EMSY: variants seen among roughly 807,000 people sequenced by gnomAD.
EMSY encodes the protein BRCA2-interacting transcriptional repressor EMSY.
EMSY carries 26 observed loss-of-function variants against 134.6 expected under a neutral mutation model. That is an observed-to-expected ratio of 0.19 (90% confidence interval 0.14 to 0.27). The LOEUF (loss-of-function observed/expected upper bound fraction) is 0.27. Among genes scored for constraint, EMSY ranks in the 10% least tolerant of loss-of-function variants. EMSY has a pLI of 1.00. For missense variants in EMSY, 1,305 were observed against 1,611.4 expected (o/e 0.81, Z 3.26); for synonymous variants, 579 against 577.8 (o/e 1.00, Z -0.03).
intron 8 of EMSY, among the ~76,000 whole-genome samples, chr11:76,495,217 A>G (rs916587988): frequency 6.6e-6 from 1 of 152,190 alleles, no homozygotes; most frequent in Admixed American, 6.5e-5. Flanking sequence ...TAAGAACGTG[A>G]TATTATTTAA....
chr11:76,549,097 C>T (rs1397280316), intron 20 of EMSY, among the ~76,000 whole-genome samples: 8 of 152,110 alleles, frequency 5.3e-5, no homozygotes, highest in Non-Finnish European at 1.2e-4. Flanking sequence ...TGGGATGAAC[C>T]CACTACTTTT....
intron 14 of EMSY, among the ~76,000 whole-genome samples, chr11:76,534,096 G>A (rs544151880): frequency 2.4e-4 from 37 of 152,210 alleles, no homozygotes; most frequent in Admixed American, 2.6e-4. Context: ...GTCTTTGGTA[G>A]ATGCTCTCCT....
At chr11:76,463,770 A>T in intron 6 of EMSY, 51 bp from the exon 8 acceptor site, 2 of 1,579,158 alleles carry the variant, frequency 1.3e-6, no homozygotes, top group Non-Finnish European at 1.7e-6. Flanking sequence ...TAAAGTGTAT[A>T]ATGCAAGATT....
intron 8 of EMSY, among the ~76,000 whole-genome samples, chr11:76,490,379 CT>C (rs1949371113): frequency 6.6e-6 from 1 of 152,134 alleles, no homozygotes; most frequent in African/African-American, 2.4e-5. Context: ...CCCCCGACCC[CT>C]GTTATGAAAA....
chr11:76,473,732 G>A (rs1161710203), intron 8 of EMSY, among the ~76,000 whole-genome samples: 2 of 152,028 alleles, frequency 1.3e-5, no homozygotes, highest in Non-Finnish European at 2.9e-5. Context: ...GCTCACGCCT[G>A]TAATCCCAGC....
At chr11:76,446,852 TGTACTTTG>T (rs1014843151) in intron 1 of EMSY, 40 bp from the exon 2 acceptor site, 41 of 1,293,368 alleles carry the variant, frequency 3.2e-5, no homozygotes, top group South Asian at 1.0e-4. Flanking sequence ...GCCCCTTGAA[TGTACTTTG>T]GTACTTTGGT....
At chr11:76,540,954 G>A (rs778411880) in intron 17 of EMSY, among the ~76,000 whole-genome samples, 15 of 152,346 alleles carry the variant, frequency 9.8e-5, no homozygotes, top group Admixed American at 5.9e-4. Context: ...GCCAAGTGTG[G>A]TGGCTCATGC....
At chr11:76,542,589 G>T (rs1051283780) in intron 18 of EMSY, among the ~76,000 whole-genome samples, 2 of 152,156 alleles carry the variant, frequency 1.3e-5, no homozygotes, top group Admixed American at 1.3e-4. Flanking sequence ...TTTCAAAAGG[G>T]TGAGAATGTC....
At chr11:76,451,904 G>A in exon 3 of EMSY, 1 of 1,592,960 alleles carries the variant, frequency 6.3e-7, no homozygotes, top group Non-Finnish European at 8.5e-7. Context: ...GGGCACAGGG[G>A]GATCTCACCA....
intron 7 of EMSY, among the ~76,000 whole-genome samples, chr11:76,469,624 G>GTGCCTAGCGCTA (rs1948495552): frequency 6.6e-6 from 1 of 152,224 alleles, no homozygotes; most frequent in African/African-American, 2.4e-5. Context: ...ACAACCTGCT[G>GTGCCTAGCGCTA]TGTGCCTAGC....
chr11:76,552,096 G>T (rs906626875), downstream of EMSY: 2 of 152,110 alleles, frequency 1.3e-5, no homozygotes, highest in African/African-American at 2.4e-5. Context: ...CAAATATTAA[G>T]AAATTATCAA....
intron 7 of EMSY, among the ~76,000 whole-genome samples, chr11:76,469,683 C>T (rs1948497214): frequency 6.6e-6 from 1 of 152,140 alleles, no homozygotes; most frequent in Non-Finnish European, 1.5e-5. Context: ...CTTGTAATGA[C>T]TTTGCAAGGT....
chr11:76,489,136 A>G (rs1949310528), intron 8 of EMSY, among the ~76,000 whole-genome samples: 1 of 152,244 alleles, frequency 6.6e-6, no homozygotes, highest in East Asian at 1.9e-4. Flanking sequence ...TTCAGGAAAG[A>G]CAACAGATTC....
intron 5 of EMSY, 21 bp downstream of exon 6, chr11:76,458,379 G>A (rs2135022578): frequency 6.5e-7 from 1 of 1,537,782 alleles, no homozygotes; most frequent in Non-Finnish European, 8.7e-7. Flanking sequence ...AAATATGCCT[G>A]TGTTAGAGAT....
intron 17 of EMSY, among the ~76,000 whole-genome samples, chr11:76,540,458 A>G (rs1301513159): frequency 2.6e-5 from 4 of 152,202 alleles, no homozygotes; most frequent in Non-Finnish European, 4.4e-5. Flanking sequence ...ACATGTGCAT[A>G]CAAAGCATAC....
intron 7 of EMSY, among the ~76,000 whole-genome samples, chr11:76,469,394 T>C (rs1037441742): frequency 1.3e-5 from 2 of 152,170 alleles, no homozygotes; most frequent in African/African-American, 4.8e-5. Flanking sequence ...CCATTACTAC[T>C]CTAATGGTTT....
chr11:76,550,301 C>T (rs1231931205), exon 21 of EMSY: 1 of 481,416 alleles, frequency 2.1e-6, no homozygotes, highest in Non-Finnish European at 3.3e-6. Flanking sequence ...GCAGGAGCAG[C>T]TTTTTAAAAC....
chr11:76,477,285 T>A (rs1331130281), intron 8 of EMSY, among the ~76,000 whole-genome samples: 1 of 150,892 alleles, frequency 6.6e-6, no homozygotes, highest in Non-Finnish European at 1.5e-5. Flanking sequence ...TTTTTTTGTT[T>A]TTGTTTTTTG....
At chr11:76,551,563 A>G (rs2136945338), downstream of EMSY, 1 of 152,820 alleles carries the variant, frequency 6.5e-6, no homozygotes, top group Admixed American at 6.5e-5. Flanking sequence ...TTTAAACACA[A>G]GCATTCATAA....
Sources: allele counts gnomAD v4.1 joint callset (sites outside exome capture counted in the v4.1 genomes callset), GRCh38; gene constraint gnomAD v4.1.1; transcripts MANE v1.5; gene names NCBI Gene and HGNC (gene_info 2026-07-23, HGNC 2026-07-21).